The following TBC1D5 variants were observed in gnomAD, a reference collection of about 807,000 sequenced individuals.
TBC1D5 encodes the protein TBC1 domain family, member 5.
In TBC1D5, 75 loss-of-function variants were observed where a neutral mutation model predicts 100.3. The ratio of observed to expected loss-of-function variants is 0.75; its 90% CI spans 0.62 to 0.91. The LOEUF (loss-of-function observed/expected upper bound fraction) is 0.91. Ranked by LOEUF, TBC1D5 falls within the 40% of genes least tolerant of loss-of-function variation. The pLI is 0.00. For missense variants in TBC1D5, 910 were observed against 942.4 expected, an observed-to-expected ratio of 0.97 and a Z score of 0.45; for synonymous variants, 323 against 325.6, an observed-to-expected ratio of 0.99 and a Z score of 0.09.
At chr3:17,679,672 C>G (rs1305601671) in intron 1 of TBC1D5, among the ~76,000 whole-genome samples, 1 of 151,522 alleles carries the variant, frequency 6.6e-6, no homozygotes, top group African/African-American at 2.4e-5. Flanking sequence ...GTACATTATA[C>G]ATTAATATTG....
intron 1 of TBC1D5, among the ~76,000 whole-genome samples, chr3:17,688,103 TA>T (rs2070576128): frequency 6.6e-6 from 1 of 152,192 alleles, no homozygotes; most frequent in Non-Finnish European, 1.5e-5. Flanking sequence ...ATGATTTCAC[TA>T]AATATCACTT....
At chr3:17,240,858 A>C (rs2076248786) in intron 16 of TBC1D5, among the ~76,000 whole-genome samples, 1 of 152,176 alleles carries the variant, frequency 6.6e-6, no homozygotes, top group African/African-American at 2.4e-5. Context: ...AAAAGTACTA[A>C]GAAACTGCTA....
At chr3:17,636,143 C>A (rs1056709806) in intron 1 of TBC1D5, among the ~76,000 whole-genome samples, 1 of 151,808 alleles carries the variant, frequency 6.6e-6, no homozygotes. Flanking sequence ...CAGTGAATTT[C>A]GCTGCTGTAC....
chr3:17,162,939 G>T (rs1209541755), intron 21 of TBC1D5, among the ~76,000 whole-genome samples: 1 of 152,136 alleles, frequency 6.6e-6, no homozygotes, highest in Non-Finnish European at 1.5e-5. Flanking sequence ...CCACAACACA[G>T]GGCTGGAATG....
chr3:17,621,397 C>G (rs151261150), intron 2 of TBC1D5, among the ~76,000 whole-genome samples: 6 of 152,274 alleles, frequency 3.9e-5, no homozygotes, highest in African/African-American at 1.4e-4. Context: ...ATCAGAGCTC[C>G]TCAGAGAAAT....
At chr3:17,365,167 CAT>C (rs2092025416) in intron 13 of TBC1D5, among the ~76,000 whole-genome samples, 1 of 152,106 alleles carries the variant, frequency 6.6e-6, no homozygotes, top group South Asian at 2.1e-4. Flanking sequence ...TAGACTTAAT[CAT>C]ATCTTACTGG....
intron 8 of TBC1D5, among the ~76,000 whole-genome samples, chr3:17,396,132 A>G (rs2093498442): frequency 1.3e-5 from 2 of 152,100 alleles, no homozygotes; most frequent in Non-Finnish European, 2.9e-5. Context: ...TCGGCTGTGA[A>G]CAAGTGCATA....
At chr3:17,408,591 A>G (rs1283487329) in intron 4 of TBC1D5, among the ~76,000 whole-genome samples, 1 of 152,074 alleles carries the variant, frequency 6.6e-6, no homozygotes, top group Non-Finnish European at 1.5e-5. Context: ...AAAGTGCTGG[A>G]ATTAAAGGTA....
At chr3:17,612,299 CAAAA>C (rs111532896) in intron 2 of TBC1D5, among the ~76,000 whole-genome samples, 3 of 61,012 alleles carry the variant, frequency 4.9e-5, no homozygotes, top group Non-Finnish European at 7.0e-5. Context: ...GACACCGTCT[CAAAA>C]AAAAAAAAAA....
At chr3:17,198,480 T>C (rs1056848284) in intron 18 of TBC1D5, among the ~76,000 whole-genome samples, 7 of 152,236 alleles carry the variant, frequency 4.6e-5, no homozygotes, top group South Asian at 2.1e-4. Context: ...GTTTTTAGTA[T>C]AAATATGTCC....
intron 3 of TBC1D5, among the ~76,000 whole-genome samples, chr3:17,498,845 AAGG>A (rs1362119636): frequency 6.6e-6 from 1 of 152,206 alleles, no homozygotes; most frequent in African/African-American, 2.4e-5. Context: ...AAGTACATGT[AAGG>A]AGAATTTTAC....
intron 8 of TBC1D5, among the ~76,000 whole-genome samples, chr3:17,395,100 G>A (rs978548353): frequency 2.6e-5 from 4 of 152,024 alleles, no homozygotes; most frequent in Non-Finnish European, 5.9e-5. Context: ...AAGGAGGGGC[G>A]GTTTGGGATG....
At chr3:17,324,366 G>A (rs552382364) in intron 13 of TBC1D5, among the ~76,000 whole-genome samples, 21 of 152,276 alleles carry the variant, frequency 1.4e-4, no homozygotes, top group Middle Eastern at 6.8e-3. Context: ...AAATAGGCCC[G>A]GTGTGGTGGC....
chr3:17,510,972 A>T (rs1232838778), intron 2 of TBC1D5, among the ~76,000 whole-genome samples: 5 of 152,016 alleles, frequency 3.3e-5, no homozygotes, highest in Non-Finnish European at 5.9e-5. Flanking sequence ...TAGAGCTCAC[A>T]TTCTTTCTCC....
At chr3:17,180,916 CAAAAAAAA>C (rs76797012) in intron 19 of TBC1D5, among the ~76,000 whole-genome samples, 4 of 96,182 alleles carry the variant, frequency 4.2e-5, no homozygotes, top group Admixed American at 1.1e-4. Flanking sequence ...ACATTTACAC[CAAAAAAAA>C]AAAAAAAAAA....
intron 2 of TBC1D5, among the ~76,000 whole-genome samples, chr3:17,619,299 A>C (rs1367410628): frequency 6.6e-6 from 1 of 152,134 alleles, no homozygotes; most frequent in Non-Finnish European, 1.5e-5. Flanking sequence ...GTTCAAGAAA[A>C]ACTGGGAAAT....
chr3:17,569,866 A>G (rs2096616085), intron 2 of TBC1D5, among the ~76,000 whole-genome samples: 1 of 151,982 alleles, frequency 6.6e-6, no homozygotes, highest in South Asian at 2.1e-4. Context: ...TTAATGCATC[A>G]AAAAAGCTAG....
rs760512337 is a variant in TBC1D5, at chr3:17,372,061, A to G, written c.995+14T>C. The G allele has an allele frequency of 5.0e-6, 8 of 1,593,628 alleles. No homozygotes were observed. Among genetic ancestry groups the G allele is most frequent in the South Asian group, 2.3e-5 (2 of 87,804 alleles). ...CAAAAAACAAACAAACAAACAAAGA[A>G]CTTTAATACTTACAACCCATATATC... On this transcript the variant is annotated intron_variant, in intron 13 of 21. Transcript: ENST00000253692.
intron 13 of TBC1D5, among the ~76,000 whole-genome samples, chr3:17,364,808 T>C (rs370903975): frequency 6.6e-6 from 1 of 152,204 alleles, no homozygotes; most frequent in South Asian, 2.1e-4. Flanking sequence ...ATGAGTCTTA[T>C]TAATAGCCAG....
Sources: allele counts gnomAD v4.1 joint callset (sites outside exome capture counted in the v4.1 genomes callset), GRCh38; gene constraint gnomAD v4.1.1; transcripts MANE v1.5; gene names NCBI Gene and HGNC (gene_info 2026-07-23, HGNC 2026-07-21).